Variants in TKFC observed in about 807,000 individuals in gnomAD.
TKFC encodes triokinase and FMN cyclase.
TKFC carries 46 observed loss-of-function variants against 61.0 expected under a neutral mutation model. The observed-to-expected ratio is 0.75, with a 90% confidence interval of 0.60 to 0.96. The LOEUF (loss-of-function observed/expected upper bound fraction) is 0.96. TKFC is among the 50% of genes least tolerant of loss of function. The pLI is 0.00. For missense variants in TKFC, 715 were observed against 777.5 expected, an observed-to-expected ratio of 0.92 and a Z score of 0.96; for synonymous variants, 314 against 330.1, an observed-to-expected ratio of 0.95 and a Z score of 0.53.
Position 61,346,507 on chromosome 11 carries a change from G to T in TKFC, c.*4G>T. On this transcript the variant is annotated 3_prime_UTR_variant, in exon 18 of 18. Coordinates refer to ENST00000394900, the MANE Select transcript of TKFC (RefSeq NM_015533.4). This position sits in a 1 kb window ranked among gnomAD's most constrained non-coding sequence, Gnocchi z 4.1. ...CTTGGAGGTCTTGCAGAGCTAGGGT[G>T]TGTGACTGCCTCCCTTGGCCTCAGC... 6.3e-7 allele frequency: 1 copy of T among 1,592,288 alleles called. No individual in the cohort carries two copies. The highest frequency in any genetic ancestry group is 8.6e-7 in the Non-Finnish European group (1 of 1,168,832).
rs775503299 is a variant in TKFC, at chr11:61,339,447, C to T, written c.486+12C>T. ...TGCTTATACACAAGGTGGGCTTCCA[C>T]CGGGGACGTGGAGACTGGCCAGCCC... On this transcript the variant is annotated intron_variant, in intron 5 of 17. Transcript: ENST00000394900. 2 of 1,597,476 alleles carry T rather than the reference C, an allele frequency of 1.3e-6. No individual in the cohort carries two copies. Among genetic ancestry groups the T allele is most frequent in the African/African-American group, 1.3e-5 (1 of 74,708 alleles).
At chr11:61,349,471 G>A (rs1565063793), downstream of TKFC, 1 of 691,836 alleles carries the variant, frequency 1.4e-6, no homozygotes, top group Non-Finnish European at 2.7e-6. Context: ...GATCCAGCAA[G>A]GAGAAGTAGA....
At chr11:61,344,682 A>G (rs1256303021) in intron 13 of TKFC, among the ~76,000 whole-genome samples, 1 of 152,120 alleles carries the variant, frequency 6.6e-6, no homozygotes, top group Non-Finnish European at 1.5e-5. Flanking sequence ...CCTTCTTAAC[A>G]CCACAAATGT....
In TKFC at chr11:61,348,509, C is replaced by T; in HGVS notation, c.*2006C>T. The stretch of plus-strand genomic sequence containing the variant: ...ATTAGAGACTGAATGTTTGTGTCCC[C>T]CCCAAATTCCTGTGTTGAAAGGCTC... On this transcript the variant is annotated 3_prime_UTR_variant, in exon 18 of 18. Transcript: ENST00000394900. The T allele has an allele frequency of 1.0e-6, 1 of 985,040 alleles. No homozygotes were observed. The highest frequency in any genetic ancestry group is 1.2e-6 in the Non-Finnish European group (1 of 829,594). The allele number at this position is 985,040 out of a possible 1,614,324, so 61.0% of individuals were successfully genotyped here. A position where few individuals can be genotyped will look rare whatever the true frequency, so the allele number is the denominator to read the frequency against.
At position 61,344,248 on chromosome 11, in the gene TKFC, C is replaced by T; in HGVS notation, c.1215C>T (p.Gly405=). 6.2e-7 allele frequency: 1 copy of T among 1,612,888 alleles called. No homozygotes were observed. The highest frequency in any genetic ancestry group is 8.5e-7 in the Non-Finnish European group (1 of 1,179,998). ...LDRAAGDGDC[G]TTHSRAARAI... ...GGGCTGCTGGTGACGGCGACTGTGGCACCACCCACAGCCGTGCGGCCAGAG... is the reference window on the plus strand; with the variant it reads ...GGGCTGCTGGTGACGGCGACTGTGGTACCACCCACAGCCGTGCGGCCAGAG... The change falls in exon 13 of 18, where the codon GGC becomes GGT. Residue 405 remains glycine (G), a synonymous_variant. Coordinates refer to ENST00000394900, the MANE Select transcript of TKFC (RefSeq NM_015533.4).
In TKFC at chr11:61,339,403, C is replaced by T. The variant is rs371048615; in HGVS notation, c.454C>T (p.Arg152Trp). The T allele has an allele frequency of 6.2e-6, 10 of 1,612,716 alleles. No individual in the cohort carries two copies. Among genetic ancestry groups the T allele is most frequent in the African/African-American group, 4.0e-5 (3 of 74,914 alleles). The part of the protein sequence containing the change: ...AFTVLKKAGR[R>W]GLCGTVLIHK... ...CACTGTCCTGAAGAAGGCAGGCCGGCGGGGGCTGTGCGGCACGGTGCTTAT... is the reference window on the plus strand; with the variant it reads ...CACTGTCCTGAAGAAGGCAGGCCGGTGGGGGCTGTGCGGCACGGTGCTTAT... Residue 152 changes from arginine to tryptophan, a missense_variant, in exon 5 of 18, where the codon CGG becomes TGG. By Grantham distance (101) the Arg-to-Trp change is moderately radical (BLOSUM62 -3). Coordinates refer to ENST00000394900, the MANE Select transcript of TKFC (RefSeq NM_015533.4).
rs367610265 is a variant in TKFC, at chr11:61,346,446, C to T, written c.1671C>T (p.Pro557=). 3.2e-5 allele frequency: 52 copies of T among 1,610,740 alleles called. No homozygotes were observed. Among genetic ancestry groups the T allele is most frequent in the African/African-American group, 6.7e-5 (5 of 74,926 alleles). Residue 557 remains proline (P), a synonymous_variant, in exon 18 of 18, where the codon CCC becomes CCT. Coordinates refer to ENST00000394900, the MANE Select transcript of TKFC (RefSeq NM_015533.4). The surrounding 1 kb of genome is among the most constrained non-coding windows in gnomAD (Gnocchi z 4.1). ...ISSARLEQPD[P]GAVAAAAILR... ...CAGCACGGCTGGAGCAGCCAGACCC[C>T]GGGGCGGTGGCAGCTGCTGCCATCC...
chr11:61,346,775 G>T lies in TKFC; in HGVS notation c.*272G>T. 1 of 1,218,440 alleles carries T rather than the reference G, an allele frequency of 8.2e-7. No homozygotes were observed. The allele number at this position is 1,218,440 out of a possible 1,614,324, so 75.5% of individuals were successfully genotyped here. ...TCATGCCCTCCCCTGCCAGCTCTGG[G>T]CTTCAGAGATAAGGCATTTTCCTTG... On this transcript the variant is annotated 3_prime_UTR_variant, in exon 18 of 18. Coordinates refer to ENST00000394900, the MANE Select transcript of TKFC (RefSeq NM_015533.4). This position sits in a 1 kb window ranked among gnomAD's most constrained non-coding sequence, Gnocchi z 4.1.
At position 61,338,092 on chromosome 11, in the gene TKFC, T is replaced by A; in HGVS notation, c.155T>A (p.Leu52Gln). ...LDSLKGRVAL[L>Q]SGGGSGHEPA... ...AGCCTCAAGGGCCGGGTGGCACTGC[T>A]GTCGGGTGGGGGCTCTGGCCATGAG... Residue 52 changes from leucine to glutamine, a missense_variant, in exon 3 of 18, where the codon CTG (leucine) becomes CAG (glutamine). Coordinates refer to ENST00000394900, the MANE Select transcript of TKFC (RefSeq NM_015533.4). 1.9e-6 allele frequency: 3 copies of A among 1,607,888 alleles called. No individual in the cohort carries two copies. The highest frequency in any genetic ancestry group is 2.5e-6 in the Non-Finnish European group (3 of 1,178,930).
Position 61,348,032 on chromosome 11 carries a change from G to A in TKFC, c.*1529G>A, listed in dbSNP as rs1455696603. 18 of 985,266 alleles carry A rather than the reference G, an allele frequency of 1.8e-5. No individual in the cohort carries two copies. Among genetic ancestry groups the A allele is most frequent in the Non-Finnish European group, 1.9e-5 (16 of 829,984 alleles). 61.0% of individuals were successfully genotyped at this position (985,266 alleles called of 1,614,324 possible). On this transcript the variant is annotated 3_prime_UTR_variant, in exon 18 of 18. Transcript: ENST00000394900. ...GCCCAAATTTGGCTGCAGGCTCCCC[G>A]AGTGCCTGGGCTTCTCTACCCAGGG...
In TKFC at chr11:61,347,707, G is replaced by C. The variant is rs1179129998; in HGVS notation, c.*1204G>C. On this transcript the variant is annotated 3_prime_UTR_variant, in exon 18 of 18. Coordinates refer to ENST00000394900, the MANE Select transcript of TKFC (RefSeq NM_015533.4). ...TAGGGAGTGGTTAAAGGCACTGGCT[G>C]TCGACTCATACACATGATCTGAAAT... 7.1e-6 allele frequency: 7 copies of C among 985,318 alleles called. No individual in the cohort carries two copies. The highest frequency in any genetic ancestry group is 1.0e-3 in the Middle Eastern group (2 of 1,914). 61.0% of individuals were successfully genotyped at this position (985,318 alleles called of 1,614,324 possible).
downstream of TKFC, chr11:61,351,067 A>G (rs373343774): frequency 6.8e-6 from 11 of 1,613,820 alleles, no homozygotes; most frequent in Non-Finnish European, 8.5e-6. Context: ...CAGCAGCCCA[A>G]AGGCCACCAC....
chr11:61,341,752 C>T, intron 6 of TKFC, 71 bp from the exon 7 acceptor site: 1 of 1,453,824 alleles, frequency 6.9e-7, no homozygotes, highest in Non-Finnish European at 9.7e-7. Context: ...CTCTGAGATG[C>T]TGCTGCCACC....
rs770783738 is a variant in TKFC at position 61,341,808 on chromosome 11, C to A, written c.566-15C>A. On this transcript the variant is annotated splice_polypyrimidine_tract_variant and intron_variant, in intron 6 of 17. Coordinates refer to ENST00000394900, the MANE Select transcript of TKFC (RefSeq NM_015533.4). ...AGAGTGGAACAGTCATCCCTTCATG[C>A]CTTGTTTCTCATAGGTACCCTGGGG... 6.2e-7 allele frequency: 1 copy of A among 1,611,032 alleles called. No homozygotes were observed. Among genetic ancestry groups the A allele is most frequent in the Non-Finnish European group, 8.5e-7 (1 of 1,177,184 alleles).
Position 61,345,324 on chromosome 11 carries a change from G to T in TKFC, c.1305G>T (p.Leu435Phe). 6.2e-7 allele frequency: 1 copy of T among 1,605,314 alleles called. No homozygotes were observed. Among genetic ancestry groups the T allele is most frequent in the Non-Finnish European group, 8.5e-7 (1 of 1,174,016 alleles). The change falls in exon 14 of 18, where the codon TTG becomes TTT. Residue 435 changes from leucine to phenylalanine, a missense_variant. By Grantham distance (22) the Leu-to-Phe change is conservative (BLOSUM62 0). Transcript: ENST00000394900. ...GCCCTGCCCAGCTGCTCTCCAAGTT[G>T]TCTGTCCTGCTCCTGGAGAAGATGG... The part of the protein sequence containing the change: ...PASPAQLLSK[L>F]SVLLLEKMGG...
intron 3 of TKFC, 120 bp downstream of exon 3, chr11:61,338,250 T>G: frequency 1.0e-6 from 1 of 962,096 alleles, no homozygotes. Context: ...ACTGGGGTAC[T>G]TCCCACTCTC....
downstream of TKFC, chr11:61,352,064 C>T (rs1326883307): frequency 1.3e-5 from 2 of 152,218 alleles, no homozygotes; most frequent in Non-Finnish European, 2.9e-5. Context: ...GAAACTGAAG[C>T]TCAAAGCAAT....
intron 3 of TKFC, 106 bp from the exon 4 acceptor site, chr11:61,338,960 C>G: frequency 2.2e-6 from 2 of 925,006 alleles, no homozygotes; most frequent in Non-Finnish European, 3.3e-6. Flanking sequence ...GAGCACCAAG[C>G]ACACAGTAGG....
In TKFC at chr11:61,348,532, C is replaced by A; in HGVS notation, c.*2029C>A. The A allele has an allele frequency of 1.0e-6, 1 of 977,884 alleles. No individual in the cohort carries two copies. Among genetic ancestry groups the A allele is most frequent in the Non-Finnish European group, 1.2e-6 (1 of 823,050 alleles). The allele number at this position is 977,884 out of a possible 1,614,324, so 60.6% of individuals were successfully genotyped here. A position where few individuals can be genotyped will look rare whatever the true frequency, so the allele number is the denominator to read the frequency against. On this transcript the variant is annotated 3_prime_UTR_variant, in exon 18 of 18. Coordinates refer to ENST00000394900, the MANE Select transcript of TKFC (RefSeq NM_015533.4). ...CCCCCCAAATTCCTGTGTTGAAAGG[C>A]TCACCCCCACTATGGTAGTGTTAGG...
Sources: allele counts gnomAD v4.1 joint callset (sites outside exome capture counted in the v4.1 genomes callset), GRCh38; gene constraint gnomAD v4.1.1; non-coding constraint Gnocchi (gnomAD v3.1); transcripts MANE v1.5; gene names NCBI Gene and HGNC (gene_info 2026-07-23, HGNC 2026-07-21).